FHIT: variants seen among roughly 807,000 people sequenced by gnomAD.
FHIT encodes the protein fragile histidine triad diadenosine triphosphatase, also known as bis(5'-adenosyl)-triphosphatase.
Under a neutral mutation model 17.9 loss-of-function variants are expected in FHIT, and 19 were observed. The ratio of observed to expected loss-of-function variants is 1.06; its 90% CI spans 0.74 to 1.56. FHIT has a LOEUF of 1.56. Among genes scored for constraint, FHIT ranks in the 40% most tolerant of loss-of-function variants. The probability of loss-of-function intolerance (pLI) is 0.00; values close to 1 mark genes in which losing one functional copy is unlikely to be tolerated. For synonymous variants in FHIT, 81 were observed against 69.7 expected, an observed-to-expected ratio of 1.16 and a Z score of -0.81; for missense variants, 248 against 189.2, an observed-to-expected ratio of 1.31 and a Z score of -1.82.
chr3:61,074,045 T>C lies in FHIT; in HGVS notation c.-163-31946A>G, dbSNP rs141683947. Among the ~76,000 whole-genome samples, 306 of 152,314 alleles carry C rather than the reference T, an allele frequency of 2.0e-3. 3 individuals are homozygous for C. The highest frequency in any genetic ancestry group is 5.9e-3 in the African/African-American group (247 of 41,578). ...ATTAGACACGAGAATGTAATTGATA[T>C]TAACCAACTTTCAGGCTCCAGTAAC... On this transcript the variant is annotated intron_variant, in intron 2 of 9. Transcript: ENST00000492590.
chr3:60,384,836 TAAAAAAAAA>T (rs5849358), intron 5 of FHIT, among the ~76,000 whole-genome samples: 4 of 135,516 alleles, frequency 3.0e-5, no homozygotes, highest in South Asian at 2.3e-4. Context: ...TTCACATTAG[TAAAAAAAAA>T]AAAAAAAAAA....
intron 5 of FHIT, among the ~76,000 whole-genome samples, chr3:60,121,551 GT>G (rs1462021766): frequency 6.6e-6 from 1 of 152,080 alleles, no homozygotes; most frequent in Non-Finnish European, 1.5e-5. Context: ...AGGCGTGGTG[GT>G]GCGTGCCAGT....
chr3:60,828,272 T>C (rs1702196003), intron 3 of FHIT, among the ~76,000 whole-genome samples: 1 of 152,200 alleles, frequency 6.6e-6, no homozygotes, highest in Admixed American at 6.5e-5. Context: ...TTTTTTAACA[T>C]TAACATAACC....
At chr3:60,960,620 G>A (rs1553780484) in intron 3 of FHIT, among the ~76,000 whole-genome samples, 1 of 151,898 alleles carries the variant, frequency 6.6e-6, no homozygotes, top group African/African-American at 2.4e-5. Context: ...GGTGTGTGAT[G>A]TTCTCCATCC....
In FHIT at chr3:59,747,684, G is replaced by A. The variant is rs566189007; in HGVS notation, c.*1901C>T. On this transcript the variant is annotated 3_prime_UTR_variant, in exon 10 of 10. Coordinates refer to ENST00000492590, the MANE Select transcript of FHIT (RefSeq NM_002012.4). ...CTGTTGGTTTTCAAGACAGACTGTC[G>A]GCAAGCAAAATGTCAGAGGCAAGCA... is the stretch of plus-strand genomic sequence containing the variant. 7.5e-4 allele frequency among the ~76,000 whole-genome samples: 114 copies of A among 152,134 alleles called. 1 individual carries two copies. Among genetic ancestry groups the A allele is most frequent in the Middle Eastern group, 3.4e-3 (1 of 294 alleles).
chr3:60,834,807 G>A (rs1340069888), intron 3 of FHIT, among the ~76,000 whole-genome samples: 1 of 151,148 alleles, frequency 6.6e-6, no homozygotes, highest in Non-Finnish European at 1.5e-5. Context: ...AGAAGTTGCA[G>A]TGAGCCGAGA....
At chr3:60,233,395 T>C (rs954225053) in intron 5 of FHIT, among the ~76,000 whole-genome samples, 1 of 151,970 alleles carries the variant, frequency 6.6e-6, no homozygotes, top group South Asian at 2.1e-4. Context: ...TTTTCAGCCT[T>C]AGAGGGCTCC....
At chr3:61,196,347 G>A (rs1037357560) in intron 2 of FHIT, among the ~76,000 whole-genome samples, 5 of 152,058 alleles carry the variant, frequency 3.3e-5, no homozygotes, top group Admixed American at 3.3e-4. Context: ...AAGGTAATTT[G>A]TAATGCATAT....
At chr3:60,968,657 C>T (rs920885645) in intron 3 of FHIT, among the ~76,000 whole-genome samples, 8 of 152,168 alleles carry the variant, frequency 5.3e-5, no homozygotes, top group South Asian at 2.1e-4. Context: ...ATGATCCACC[C>T]GCCTTGGCCT....
chr3:60,123,193 G>T (rs1705336676), intron 5 of FHIT, among the ~76,000 whole-genome samples: 1 of 152,160 alleles, frequency 6.6e-6, no homozygotes, highest in Non-Finnish European at 1.5e-5. Flanking sequence ...TTGGACACTT[G>T]TTCATTTCAT....
intron 8 of FHIT, among the ~76,000 whole-genome samples, chr3:59,869,887 G>T (rs1702842022): frequency 6.6e-6 from 1 of 151,880 alleles, no homozygotes; most frequent in Non-Finnish European, 1.5e-5. Context: ...CTTCTTTATG[G>T]TCACCCAAAT....
chr3:59,931,974 T>TAA (rs3836261), intron 7 of FHIT, among the ~76,000 whole-genome samples: 4 of 151,034 alleles, frequency 2.6e-5, no homozygotes, highest in African/African-American at 9.7e-5. Context: ...TCTTTTCAAG[T>TAA]AAAAAAAAAG....
intron 4 of FHIT, among the ~76,000 whole-genome samples, chr3:60,544,360 A>T (rs187402075): frequency 0.013 from 1,881 of 150,402 alleles, 34 homozygotes; most frequent in African/African-American, 0.043. Context: ...ACCTTTTTTT[A>T]AAAAAAATTG....
At chr3:59,950,993 C>T (rs1707088380) in intron 7 of FHIT, among the ~76,000 whole-genome samples, 1 of 152,190 alleles carries the variant, frequency 6.6e-6, no homozygotes, top group Non-Finnish European at 1.5e-5. Flanking sequence ...ATAGTAACAA[C>T]AATGGCAGCA....
chr3:60,423,392 G>A (rs1485374757), intron 5 of FHIT, among the ~76,000 whole-genome samples: 7 of 152,070 alleles, frequency 4.6e-5, no homozygotes, highest in Admixed American at 4.6e-4. Context: ...AACATACCCA[G>A]TCAAAAACAG....
At chr3:60,518,606 C>G (rs2035245045) in intron 5 of FHIT, among the ~76,000 whole-genome samples, 1 of 152,054 alleles carries the variant, frequency 6.6e-6, no homozygotes, top group Admixed American at 6.6e-5. Context: ...GAAACATTAC[C>G]AAAGATCCTG....
intron 5 of FHIT, among the ~76,000 whole-genome samples, chr3:60,497,129 A>G (rs1385427966): frequency 6.6e-6 from 1 of 151,944 alleles, no homozygotes; most frequent in Non-Finnish European, 1.5e-5. Context: ...GGGGCATGGT[A>G]TTGTATCTGG....
chr3:60,256,793 T>A (rs1272233262), intron 5 of FHIT, among the ~76,000 whole-genome samples: 1 of 152,174 alleles, frequency 6.6e-6, no homozygotes, highest in African/African-American at 2.4e-5. Flanking sequence ...CCTAATCTCC[T>A]TAATATCTCT....
At chr3:61,052,612 T>C (rs899121407) in intron 2 of FHIT, among the ~76,000 whole-genome samples, 2 of 152,176 alleles carry the variant, frequency 1.3e-5, no homozygotes, top group Non-Finnish European at 1.5e-5. Context: ...TCAAAAGTTG[T>C]TATTGGAGTC....
Sources: allele counts gnomAD v4.1 joint callset (sites outside exome capture counted in the v4.1 genomes callset), GRCh38; gene constraint gnomAD v4.1.1; transcripts MANE v1.5; gene names NCBI Gene and HGNC (gene_info 2026-07-23, HGNC 2026-07-21).